SH2D2A: variants seen among roughly 807,000 people sequenced by gnomAD.
SH2D2A encodes SH2 domain-containing protein 2A.
A neutral mutation model predicts 43.6 loss-of-function variants in SH2D2A; 33 were observed. The observed-to-expected ratio is 0.76, with a 90% CI of 0.57 to 1.01. SH2D2A has a LOEUF of 1.01. Among genes scored for constraint, SH2D2A ranks in the 50% least tolerant of loss-of-function variants. The pLI, the probability that SH2D2A is intolerant of heterozygous loss-of-function variation, is 0.00. For missense variants in SH2D2A, 491 were observed against 503.1 expected, an observed-to-expected ratio of 0.98 and a Z score of 0.23; for synonymous variants, 212 against 206.1, an observed-to-expected ratio of 1.03 and a Z score of -0.25.
intron 5 of SH2D2A, among the ~76,000 whole-genome samples, chr1:156,810,989 T>C (rs564421709): frequency 1.3e-5 from 2 of 152,216 alleles, no homozygotes; most frequent in Non-Finnish European, 1.5e-5. Flanking sequence ...GCTTTTCTTG[T>C]GCTCCTGCAA....
chr1:156,808,519 G>C (rs1040308595), intron 7 of SH2D2A, among the ~76,000 whole-genome samples: 4 of 152,142 alleles, frequency 2.6e-5, no homozygotes, highest in African/African-American at 9.7e-5. Context: ...GGGAGCCTGG[G>C]GCACCAGCAA....
At chr1:156,815,875 G>A (rs2102821301) in intron 2 of SH2D2A, 131 bp downstream of exon 2, 2 of 1,614,080 alleles carry the variant, frequency 1.2e-6, no homozygotes, top group Middle Eastern at 1.6e-4. Context: ...CTGTGCCCCA[G>A]CCCGTTGGCA....
intron 3 of SH2D2A, chr1:156,814,824 G>A (rs1205063613): frequency 6.7e-6 from 3 of 447,090 alleles, no homozygotes; most frequent in Non-Finnish European, 1.2e-5. Flanking sequence ...GGTACACAGA[G>A]GGCTGGACTG....
chr1:156,808,682 G>T (rs1450550694), intron 7 of SH2D2A, among the ~76,000 whole-genome samples: 1 of 152,200 alleles, frequency 6.6e-6, no homozygotes, highest in Non-Finnish European at 1.5e-5. Flanking sequence ...TAGGGCTGGG[G>T]AGAAGGAAGA....
At chr1:156,808,715 G>A (rs1653157156) in intron 7 of SH2D2A, among the ~76,000 whole-genome samples, 1 of 152,168 alleles carries the variant, frequency 6.6e-6, no homozygotes, top group Admixed American at 6.5e-5. Flanking sequence ...GTACACAGAA[G>A]CAGGCTGGGA....
rs777996215 is a variant in SH2D2A, at chr1:156,809,670, C to T, written c.705G>A (p.Gly235=). 7 of 1,611,024 alleles carry T rather than the reference C, an allele frequency of 4.3e-6. No homozygotes were observed. The highest frequency in any genetic ancestry group is 2.7e-5 in the African/African-American group (2 of 74,784). The change falls in exon 6 of 9, where the codon GGG becomes GGA. Residue 235 remains glycine (G), a synonymous_variant. Transcript: ENST00000368199. The surrounding 1 kb of genome is among the most constrained non-coding windows in gnomAD (Gnocchi z 4.8). ...APVPMQKEGA[G]EKEPSQLLRP... ...CCCTGCAGCCCAATACCTCCTTCTC[C>T]CCGGCCCCCTCTTTCTGCATCGGGA...
intron 5 of SH2D2A, among the ~76,000 whole-genome samples, chr1:156,810,196 G>A (rs889492040): frequency 6.6e-5 from 10 of 151,636 alleles, no homozygotes; most frequent in African/African-American, 1.5e-4. Flanking sequence ...CCACCACACC[G>A]GCTAATTGTG....
intron 5 of SH2D2A, among the ~76,000 whole-genome samples, chr1:156,813,364 AC>A (rs1336311415): frequency 6.6e-6 from 1 of 152,142 alleles, no homozygotes; most frequent in Non-Finnish European, 1.5e-5. Context: ...AGCTGAAAAT[AC>A]CAGGTGGAAA....
Position 156,807,771 on chromosome 1 carries a change from T to A in SH2D2A, c.1003-426A>T, listed in dbSNP as rs1653073750. ...TGCAGGAAGTTGCTATAGGCAGAGA[T>A]ACTGGCGGGTGCAAACCCCAGGAGG... On this transcript the variant is annotated intron_variant, in intron 7 of 8. Coordinates refer to ENST00000368199, the MANE Select transcript of SH2D2A (RefSeq NM_003975.4). This position sits in a 1 kb window ranked among gnomAD's most constrained non-coding sequence, Gnocchi z 5.1. 6.6e-6 allele frequency among the ~76,000 whole-genome samples: 1 copy of A among 152,184 alleles called. No individual in the cohort carries two copies. The highest frequency in any genetic ancestry group is 1.5e-5 in the Non-Finnish European group (1 of 68,018).
At chr1:156,815,577 C>T (rs969855949) in intron 2 of SH2D2A, 4 of 624,332 alleles carry the variant, frequency 6.4e-6, no homozygotes, top group Middle Eastern at 4.2e-4. Context: ...AGGAAGTCAC[C>T]CTAGAGGCCA....
intron 7 of SH2D2A, among the ~76,000 whole-genome samples, chr1:156,808,219 T>C (rs2102789619): frequency 6.6e-6 from 1 of 152,140 alleles, no homozygotes; most frequent in Non-Finnish European, 1.5e-5. Context: ...AGTGGCTTAC[T>C]GGGGGAGTAA....
Position 156,809,588 on chromosome 1 carries a change from C to T in SH2D2A, c.714+73G>A, listed in dbSNP as rs1653249331. The T allele has an allele frequency of 2.6e-6, 4 of 1,558,846 alleles. No homozygotes were observed. The South Asian group carries it at 3.7e-5, about 14-fold the overall frequency. ...CCTGAGCCTCTGCCCCCGCTAGGCC[C>T]CTCCTCCTCCCCGCTGCCTGCACCC... On this transcript the variant is annotated intron_variant, in intron 6 of 8. Coordinates refer to ENST00000368199, the MANE Select transcript of SH2D2A (RefSeq NM_003975.4). This position sits in a 1 kb window ranked among gnomAD's most constrained non-coding sequence, Gnocchi z 4.8.
chr1:156,815,855 T>TTC lies in SH2D2A; in HGVS notation c.123+149_123+150dup, dbSNP rs751380885. 4.3e-6 allele frequency: 7 copies of TTC among 1,609,250 alleles called. No individual in the cohort carries two copies. In the South Asian group the frequency reaches 7.7e-5, roughly 18 times the overall value. On this transcript the variant is annotated intron_variant, in intron 2 of 8. Transcript: ENST00000368199. The stretch of plus-strand genomic sequence containing the variant: ...ATGAAGGAGGTACTCCTCATTTTCG[T>TTC]TCTCTCTCTCTGTGCCCCAGCCCGT...
At chr1:156,815,805 A>G in intron 2 of SH2D2A, 1 of 1,614,114 alleles carries the variant, frequency 6.2e-7, no homozygotes. Flanking sequence ...AGGAGCAGTA[A>G]GGGAGTGAGT....
chr1:156,807,047 G>A lies in SH2D2A; in HGVS notation c.*3+128C>T, dbSNP rs1386495278. 3.6e-5 allele frequency: 31 copies of A among 868,808 alleles called. No individual in the cohort carries two copies. Among genetic ancestry groups the A allele is most frequent in the Non-Finnish European group, 5.7e-5 (31 of 541,512 alleles). The allele number at this position is 868,808 out of a possible 1,614,324, so 53.8% of individuals were successfully genotyped here. On this transcript the variant is annotated intron_variant, in intron 8 of 8. Transcript: ENST00000368199. The surrounding 1 kb of genome is among the most constrained non-coding windows in gnomAD (Gnocchi z 5.1). ...TTTGCCATCCTTGCAATAGATGATG[G>A]CTGAGCTCCTTTCCAGCTTTGAACA...
chr1:156,811,443 T>A (rs1653413016), intron 5 of SH2D2A, among the ~76,000 whole-genome samples: 1 of 152,210 alleles, frequency 6.6e-6, no homozygotes, highest in Non-Finnish European at 1.5e-5. Context: ...CAAGACTCTG[T>A]GTGATCTCAG....
chr1:156,808,487 G>A (rs1290694831), intron 7 of SH2D2A, among the ~76,000 whole-genome samples: 3 of 152,134 alleles, frequency 2.0e-5, no homozygotes, highest in African/African-American at 4.8e-5. Context: ...GTGGGTGAGC[G>A]CGAGCAGGCT....
At chr1:156,816,479 G>A (rs984034715) in intron 1 of SH2D2A, among the ~76,000 whole-genome samples, 196 bp downstream of exon 1, 11 of 152,192 alleles carry the variant, frequency 7.2e-5, no homozygotes, top group African/African-American at 2.4e-4. Flanking sequence ...AACAAACCCT[G>A]TCACCTTTAT....
At chr1:156,810,956 C>G (rs545398557) in intron 5 of SH2D2A, among the ~76,000 whole-genome samples, 8 of 152,338 alleles carry the variant, frequency 5.3e-5, no homozygotes, top group African/African-American at 1.9e-4. Context: ...ATGCCTGCTG[C>G]CACTGTAGGC....
Sources: gnomAD v4.1 joint callset for allele counts (sites outside exome capture counted in the v4.1 genomes callset) on GRCh38, gnomAD v4.1.1 for gene constraint, Gnocchi (gnomAD v3.1) non-coding constraint, MANE v1.5 for transcripts, NCBI Gene and HGNC (gene_info 2026-07-23, HGNC 2026-07-21) for gene names.